The following DAB2IP variants were observed in gnomAD, a reference collection of about 807,000 sequenced individuals.
The protein encoded by DAB2IP is DAB2 interacting protein.
A neutral mutation model predicts 107.2 loss-of-function variants in DAB2IP; 28 were observed. That is an observed-to-expected ratio of 0.26 (90% CI 0.19 to 0.36). DAB2IP has a LOEUF of 0.36. DAB2IP is among the 10% of genes least tolerant of loss of function. The pLI, the probability that DAB2IP is intolerant of heterozygous loss-of-function variation, is 1.00. For missense variants in DAB2IP, 1,400 were observed against 1,644.7 expected (o/e 0.85, Z 2.57); for synonymous variants, 755 against 706.4 (o/e 1.07, Z -1.09).
Position 121,736,619 on chromosome 9 carries a change from G to C in DAB2IP, c.363-20394G>C, listed in dbSNP as rs1441685278. ...CCGGGCTGGAGAGGGTTTGGGGCGTGGCGCAGCCCGACGTTAGTCCGGAAT... is the reference window on the plus strand; with the variant it reads ...CCGGGCTGGAGAGGGTTTGGGGCGTCGCGCAGCCCGACGTTAGTCCGGAAT... On this transcript the variant is annotated intron_variant, in intron 3 of 15. Coordinates refer to ENST00000408936, the Ensembl canonical transcript of DAB2IP. This position sits in a 1 kb window ranked among gnomAD's most constrained non-coding sequence, Gnocchi z 4.6. Among the ~76,000 whole-genome samples the C allele has an allele frequency of 2.0e-5, 3 of 152,232 alleles. No homozygotes were observed. Among genetic ancestry groups the C allele is most frequent in the Non-Finnish European group, 2.9e-5 (2 of 68,028 alleles).
chr9:121,652,171 C>T (rs1589454717), intron 1 of DAB2IP, among the ~76,000 whole-genome samples: 1 of 152,312 alleles, frequency 6.6e-6, no homozygotes, highest in Middle Eastern at 3.4e-3. Context: ...GATCAGACCT[C>T]CTACCCCACT....
chr9:121,597,980 G>A (rs1830564073), intron 1 of DAB2IP, among the ~76,000 whole-genome samples: 1 of 152,232 alleles, frequency 6.6e-6, no homozygotes. Context: ...CCCAGTGCTG[G>A]AGACCGGTGG....
intron 8 of DAB2IP, 39 bp from the exon 9 acceptor site, chr9:121,766,455 G>T: frequency 6.3e-7 from 1 of 1,581,578 alleles, no homozygotes; most frequent in Non-Finnish European, 8.6e-7. Context: ...CTGGGCCCCT[G>T]CCTGACAGCC....
In DAB2IP at chr9:121,761,314, C is replaced by T. The variant is rs113600166; in HGVS notation, c.1170+875C>T. Among the ~76,000 whole-genome samples, 900 of 152,368 alleles carry T rather than the reference C, an allele frequency of 5.9e-3. 10 individuals are homozygous for T. Among genetic ancestry groups the T allele is most frequent in the African/African-American group, 0.02 (849 of 41,586 alleles). Reference sequence around the variant, plus strand: ...GGGGCTGGACTTGAGGCCTCTGCAGCGTGGATGGACCCTGGTGCTGGGCTA... The same window carrying T: ...GGGGCTGGACTTGAGGCCTCTGCAGTGTGGATGGACCCTGGTGCTGGGCTA... On this transcript the variant is annotated intron_variant, in intron 6 of 15. Coordinates refer to ENST00000408936, the Ensembl canonical transcript of DAB2IP.
At chr9:121,632,704 G>C (rs1208383649) in intron 1 of DAB2IP, among the ~76,000 whole-genome samples, 1 of 152,236 alleles carries the variant, frequency 6.6e-6, no homozygotes, top group African/African-American at 2.4e-5. Flanking sequence ...GGGTCGGGAA[G>C]GTGCAGTGAA....
At chr9:121,672,702 C>T (rs371643543) in intron 1 of DAB2IP, among the ~76,000 whole-genome samples, 24 of 152,190 alleles carry the variant, frequency 1.6e-4, no homozygotes, top group Admixed American at 5.2e-4. Flanking sequence ...GAGTTTGAGC[C>T]GAGGAGGAAA....
In DAB2IP at chr9:121,781,648, G is replaced by A. The variant is rs188992730; in HGVS notation, c.3402+97G>A. ...CCATCCTCAGTCATACCTCACTGCA[G>A]ACACTGAGGGGAATAAGAAACCAGA... On this transcript the variant is annotated intron_variant, in intron 15 of 15. Coordinates refer to ENST00000408936, the Ensembl canonical transcript of DAB2IP. The A allele has an allele frequency of 5.6e-4, 686 of 1,227,152 alleles. 12 individuals carry two copies. The East Asian group carries it at 0.016, about 29-fold the overall frequency. The allele number at this position is 1,227,152 out of a possible 1,614,324, so 76.0% of individuals were successfully genotyped here. A position where few individuals can be genotyped will look rare whatever the true frequency, so the allele number is the denominator to read the frequency against.
At chr9:121,570,589 C>T (rs1829914992) in intron 1 of DAB2IP, among the ~76,000 whole-genome samples, 2 of 152,046 alleles carry the variant, frequency 1.3e-5, no homozygotes, top group Non-Finnish European at 2.9e-5. Flanking sequence ...CACTCTGTCA[C>T]CCAGGCTAGA....
chr9:121,757,274 C>T (rs1833565203), intron 4 of DAB2IP, 108 bp downstream of exon 4: 1 of 1,431,808 alleles, frequency 7.0e-7, no homozygotes, highest in Non-Finnish European at 9.4e-7. Context: ...TCAGCAGGGG[C>T]CAGGGTCTTG....
intron 2 of DAB2IP, among the ~76,000 whole-genome samples, chr9:121,680,669 C>T (rs73536718): frequency 6.6e-6 from 1 of 152,212 alleles, no homozygotes; most frequent in African/African-American, 2.4e-5. Context: ...TAGTAGCCAC[C>T]TCCATTGATG....
chr9:121,699,602 G>A lies in DAB2IP; in HGVS notation c.362+144G>A, dbSNP rs533967395. 5.1e-4 allele frequency: 361 copies of A among 702,472 alleles called. 9 individuals are homozygous for A. In the Admixed American group the frequency reaches 0.016, roughly 32 times the overall value. The allele number at this position is 702,472 out of a possible 1,614,324, so 43.5% of individuals were successfully genotyped here. A position where few individuals can be genotyped will look rare whatever the true frequency, so the allele number is the denominator to read the frequency against. ...ACGCCGCCCGCCGGGAACTTATGGG[G>A]CCACCTCGGCCGGACTAGGGGGCCC... is the stretch of plus-strand genomic sequence containing the variant. On this transcript the variant is annotated intron_variant, in intron 3 of 15. Coordinates refer to ENST00000408936, the Ensembl canonical transcript of DAB2IP. The surrounding 1 kb of genome is among the most constrained non-coding windows in gnomAD (Gnocchi z 6.2).
intron 14 of DAB2IP, among the ~76,000 whole-genome samples, chr9:121,779,854 C>G (rs1016036240): frequency 6.6e-6 from 1 of 152,166 alleles, no homozygotes; most frequent in Non-Finnish European, 1.5e-5. Flanking sequence ...CCTCTTGCTC[C>G]TCTCTGGCTT....
chr9:121,678,694 G>T lies in DAB2IP; in HGVS notation c.141G>T (p.Arg47Ser), dbSNP rs767098352. Residue 47 changes from arginine (R) to serine (S), a missense_variant, in exon 2 of 16, where the codon AGG becomes AGT. This residue lies in a region of DAB2IP where 283 missense variants were observed against 237.0 expected (regional missense o/e 1.19). Coordinates refer to ENST00000408936, the Ensembl canonical transcript of DAB2IP. ...TGTTGGCAGAGTCGCCTCAAGAAAG[G>T]CCGGGCTCTCGGCGCAGCCTGCCTG... The T allele has an allele frequency of 6.3e-7, 1 of 1,576,080 alleles. No individual in the cohort carries two copies. Among genetic ancestry groups the T allele is most frequent in the African/African-American group, 1.4e-5 (1 of 73,674 alleles).
At chr9:121,783,367 TCTC>T in exon 16 of DAB2IP, 2 of 1,504,956 alleles carry the variant, frequency 1.3e-6, no homozygotes, top group Non-Finnish European at 1.8e-6. Flanking sequence ...GTATCTGCCT[TCTC>T]CTGGGGCCCA....
chr9:121,762,142 G>A (rs904589623), intron 6 of DAB2IP, among the ~76,000 whole-genome samples: 12 of 152,134 alleles, frequency 7.9e-5, no homozygotes, highest in Non-Finnish European at 1.6e-4. Flanking sequence ...CCCCTCTTCC[G>A]TCTCCACGGC....
rs1425736543 is a variant in DAB2IP, at chr9:121,675,612, C to T, written c.125-3066C>T. On this transcript the variant is annotated intron_variant, in intron 1 of 15. Coordinates refer to ENST00000408936, the Ensembl canonical transcript of DAB2IP. ...TGGCCCCTTGGCTGGGTGTTGGGAC[C>T]CATGGGACTTAAGGCTGAAGGAGCC... Among the ~76,000 whole-genome samples the T allele has an allele frequency of 2.0e-5, 3 of 152,302 alleles. No homozygotes were observed. The East Asian group carries it at 5.8e-4, about 29-fold the overall frequency.
chr9:121,610,543 G>A (rs751910920), intron 1 of DAB2IP, among the ~76,000 whole-genome samples: 5 of 152,178 alleles, frequency 3.3e-5, no homozygotes, highest in Admixed American at 1.3e-4. Context: ...AAAGCCTCTC[G>A]TGTCAGGCAC....
intron 1 of DAB2IP, among the ~76,000 whole-genome samples, chr9:121,671,739 C>G (rs1261035937): frequency 6.6e-6 from 1 of 152,182 alleles, no homozygotes; most frequent in African/African-American, 2.4e-5. Flanking sequence ...CTCTATAGCT[C>G]TAGGTCCTTT....
chr9:121,696,100 C>T (rs189508032), intron 2 of DAB2IP, among the ~76,000 whole-genome samples: 37 of 152,196 alleles, frequency 2.4e-4, no homozygotes, highest in Admixed American at 2.1e-3. Flanking sequence ...AACTCCTGAC[C>T]TCAGGTGATC....
Sources: gnomAD v4.1 joint callset for allele counts (sites outside exome capture counted in the v4.1 genomes callset) on GRCh38, gnomAD v4.1.1 for gene constraint, gnomAD v4.1.1 regional missense constraint, Gnocchi (gnomAD v3.1) non-coding constraint, MANE v1.5 for transcripts, NCBI Gene and HGNC (gene_info 2026-07-23, HGNC 2026-07-21) for gene names.